Variants in GPAT3 observed in about 807,000 individuals in gnomAD.
GPAT3 encodes glycerol-3-phosphate acyltransferase 3, also known as 1-AGP acyltransferase 9.
In GPAT3, 53 loss-of-function variants were observed where a neutral mutation model predicts 58.8. The ratio of observed to expected loss-of-function variants is 0.90; its 90% confidence interval spans 0.72 to 1.13. The LOEUF is 1.13. Ranked by LOEUF, GPAT3 falls within the 50% of genes most tolerant of loss-of-function variation. GPAT3 has a pLI of 0.00. For missense variants in GPAT3, 511 were observed against 527.6 expected (o/e 0.97, Z 0.31); for synonymous variants, 197 against 187.4 (o/e 1.05, Z -0.42).
chr4:83,564,062 G>A (rs111448962), intron 2 of GPAT3, among the ~76,000 whole-genome samples: 1,931 of 152,256 alleles, frequency 0.013, 45 homozygotes, highest in African/African-American at 0.044. Context: ...CAGAGAACAT[G>A]TGTGATTTGG....
At chr4:83,575,819 G>A (rs187447221) in intron 2 of GPAT3, among the ~76,000 whole-genome samples, 1 of 152,198 alleles carries the variant, frequency 6.6e-6, no homozygotes, top group African/African-American at 2.4e-5. Context: ...TTCATCTTAG[G>A]GACAACTGTC....
intron 2 of GPAT3, among the ~76,000 whole-genome samples, chr4:83,556,375 G>A (rs969654297): frequency 6.6e-6 from 1 of 152,132 alleles, no homozygotes; most frequent in African/African-American, 2.4e-5. Context: ...GTGCACAGCT[G>A]TAATCCCAGC....
intron 1 of GPAT3, among the ~76,000 whole-genome samples, chr4:83,537,598 T>C (rs896080076): frequency 1.7e-5 from 2 of 118,468 alleles, no homozygotes; most frequent in East Asian, 2.1e-4. Flanking sequence ...AATATGTGTG[T>C]GTGTGTGTGT....
chr4:83,536,520 C>T lies in GPAT3; in HGVS notation c.-103C>T, dbSNP rs1297471155. On this transcript the variant is annotated 5_prime_UTR_variant, in exon 1 of 12. Transcript: ENST00000264409. ...CCTTCGCAGAGGTGAGTGCCGGGCT[C>T]GGCGCTCTGCTCCTGGAGCTCCCGC... 1 of 1,511,698 alleles carries T rather than the reference C, an allele frequency of 6.6e-7. No homozygotes were observed. Among genetic ancestry groups the T allele is most frequent in the Non-Finnish European group, 8.8e-7 (1 of 1,133,312 alleles). 93.6% of individuals were successfully genotyped at this position (1,511,698 alleles called of 1,614,324 possible). A position where few individuals can be genotyped will look rare whatever the true frequency, so the allele number is the denominator to read the frequency against.
chr4:83,589,896 A>C (rs1560628063), intron 5 of GPAT3, among the ~76,000 whole-genome samples: 1 of 152,164 alleles, frequency 6.6e-6, no homozygotes, highest in Non-Finnish European at 1.5e-5. Flanking sequence ...GTTTGAGACC[A>C]GCCTGGCCAA....
intron 2 of GPAT3, among the ~76,000 whole-genome samples, chr4:83,571,680 A>ATG (rs1725608741): frequency 6.7e-6 from 1 of 150,252 alleles, no homozygotes; most frequent in African/African-American, 2.5e-5. Flanking sequence ...TCATATATAT[A>ATG]TGTGTATATA....
intron 2 of GPAT3, among the ~76,000 whole-genome samples, chr4:83,566,132 AC>A (rs1725372370): frequency 1.3e-5 from 2 of 152,142 alleles, no homozygotes; most frequent in South Asian, 4.1e-4. Flanking sequence ...CTCAGAGGCC[AC>A]CCATGGCTCC....
intron 2 of GPAT3, among the ~76,000 whole-genome samples, chr4:83,575,495 C>A (rs960216542): frequency 8.5e-5 from 13 of 152,134 alleles, no homozygotes; most frequent in Admixed American, 8.5e-4. Flanking sequence ...TCACTGCAAG[C>A]TCCACCTCCC....
Position 83,583,667 on chromosome 4 carries a change from G to GAAGAAAAAAAAAAAAAAAAAAAAAAAAAA in GPAT3, c.479+1837_479+1838insGAAAAAAAAAAAAAAAAAAAAAAAAAAAA, listed in dbSNP as rs760151577. On this transcript the variant is annotated intron_variant, in intron 3 of 11. Transcript: ENST00000264409. ...GGGTGACAGAGCGAGACTCTTGTCT[G>GAAGAAAAAAAAAAAAAAAAAAAAAAAAAA]AAAAAAAAAAAAAAAAAAAAAAAAA... is the stretch of plus-strand genomic sequence containing the variant. Among the ~76,000 whole-genome samples the GAAGAAAAAAAAAAAAAAAAAAAAAAAAAA allele has an allele frequency of 8.5e-5, 2 of 23,462 alleles. 1 individual carries two copies. 15.4% of individuals were successfully genotyped at this position (23,462 alleles called of 152,430 possible).
chr4:83,586,974 T>C (rs1449403104), intron 3 of GPAT3, among the ~76,000 whole-genome samples: 2 of 152,264 alleles, frequency 1.3e-5, no homozygotes, highest in Admixed American at 6.5e-5. Flanking sequence ...TCTCTATGCA[T>C]ATACAGACTT....
chr4:83,561,769 A>G (rs2110081944), intron 2 of GPAT3, among the ~76,000 whole-genome samples: 1 of 152,054 alleles, frequency 6.6e-6, no homozygotes, highest in Admixed American at 6.6e-5. Flanking sequence ...ATTGAGGAAG[A>G]TAACAAAACT....
chr4:83,596,826 A>C, intron 7 of GPAT3, 32 bp from the exon 8 acceptor site: 1 of 1,565,668 alleles, frequency 6.4e-7, no homozygotes, highest in East Asian at 2.2e-5. Context: ...CTCTTTATAA[A>C]GGCAGAATTT....
chr4:83,551,935 A>T (rs2110076554), intron 2 of GPAT3, among the ~76,000 whole-genome samples: 1 of 152,170 alleles, frequency 6.6e-6, no homozygotes, highest in South Asian at 2.1e-4. Context: ...AAAAAAGAGA[A>T]AACCCCAACC....
intron 3 of GPAT3, among the ~76,000 whole-genome samples, chr4:83,583,252 C>T (rs1726229413): frequency 1.3e-5 from 2 of 151,930 alleles, no homozygotes; most frequent in Non-Finnish European, 2.9e-5. Context: ...TGTGATCGTG[C>T]CACTGCACTC....
At chr4:83,594,740 C>T in intron 6 of GPAT3, 105 bp from the exon 7 acceptor site, 2 of 884,650 alleles carry the variant, frequency 2.3e-6, no homozygotes, top group East Asian at 4.9e-5. Flanking sequence ...CAGTAGAAGG[C>T]CAATCATATT....
chr4:83,551,557 G>A (rs1431233854), intron 2 of GPAT3, among the ~76,000 whole-genome samples: 1 of 151,942 alleles, frequency 6.6e-6, no homozygotes, highest in Non-Finnish European at 1.5e-5. Context: ...ACTTTGGGAG[G>A]CTGAGGCGGG....
At chr4:83,578,152 T>C (rs575302198) in intron 2 of GPAT3, among the ~76,000 whole-genome samples, 3 of 152,188 alleles carry the variant, frequency 2.0e-5, no homozygotes, top group Non-Finnish European at 4.4e-5. Flanking sequence ...CAGAACATGT[T>C]TTCAAATGTT....
chr4:83,594,153 CTT>C (rs1317227588), intron 6 of GPAT3, among the ~76,000 whole-genome samples: 1 of 152,202 alleles, frequency 6.6e-6, no homozygotes, highest in African/African-American at 2.4e-5. Context: ...GGAAATTACT[CTT>C]TATCAGTCAT....
intron 2 of GPAT3, among the ~76,000 whole-genome samples, chr4:83,569,303 C>A (rs1007770526): frequency 1.3e-5 from 2 of 152,210 alleles, no homozygotes; most frequent in African/African-American, 4.8e-5. Context: ...TTACTGGCTT[C>A]ATGGTCAATC....
Sources: gnomAD v4.1 joint callset for allele counts (sites outside exome capture counted in the v4.1 genomes callset) on GRCh38, gnomAD v4.1.1 for gene constraint, MANE v1.5 for transcripts, NCBI Gene and HGNC (gene_info 2026-07-23, HGNC 2026-07-21) for gene names.